The following KCNQ2 variants were observed in gnomAD, a reference collection of about 807,000 sequenced individuals.
KCNQ2 encodes potassium voltage-gated channel subfamily Q member 2, also known as potassium voltage-gated channel subfamily KQT member 2.
A neutral mutation model predicts 84.8 loss-of-function variants in KCNQ2; 14 were observed. That is an observed-to-expected ratio of 0.17 (90% CI 0.11 to 0.26). The LOEUF (loss-of-function observed/expected upper bound fraction) is 0.26. Ranked by LOEUF, KCNQ2 falls within the 10% of genes least tolerant of loss-of-function variation. The pLI is 1.00. For synonymous variants in KCNQ2, 599 were observed against 554.1 expected (o/e 1.08, Z -1.14); for missense variants, 788 against 1,254.0 (o/e 0.63, Z 5.61).
chr20:63,417,736 A>G (rs987546219), intron 12 of KCNQ2, among the ~76,000 whole-genome samples: 6 of 152,214 alleles, frequency 3.9e-5, no homozygotes, highest in Admixed American at 2.0e-4. Flanking sequence ...CACAGGCCCC[A>G]GGAGAGAAGA....
chr20:63,418,762 A>G (rs1019291930), intron 12 of KCNQ2, among the ~76,000 whole-genome samples: 39 of 152,230 alleles, frequency 2.6e-4, no homozygotes, highest in African/African-American at 9.2e-4. Context: ...CGCCCCCAGA[A>G]GCACACAAGC....
rs925541641 is a variant in KCNQ2 at position 63,449,686 on chromosome 20, C to G, written c.297-2849G>C. ...TCACCAAAGGCCGAGCTCCACAGCC[C>G]GGGAGAAGAGGGAAAAGCCCCAGCG... On this transcript the variant is annotated intron_variant, in intron 1 of 16. Coordinates refer to ENST00000359125, the MANE Select transcript of KCNQ2 (RefSeq NM_172107.4). Among the ~76,000 whole-genome samples the G allele has an allele frequency of 3.9e-5, 6 of 151,934 alleles. No homozygotes were observed. In the South Asian group the frequency reaches 6.4e-4, roughly 16 times the overall value.
intron 12 of KCNQ2, 133 bp downstream of exon 12, chr20:63,419,486 C>T: frequency 1.2e-6 from 1 of 865,626 alleles, no homozygotes; most frequent in South Asian, 1.5e-5. Context: ...TGAGCCCGCA[C>T]CGCCAGGGCG....
At chr20:63,463,254 C>T (rs190384318) in intron 1 of KCNQ2, among the ~76,000 whole-genome samples, 31 of 152,180 alleles carry the variant, frequency 2.0e-4, no homozygotes, top group Non-Finnish European at 3.2e-4. Flanking sequence ...GAGCGAGACC[C>T]CCACACTTAA....
intron 4 of KCNQ2, among the ~76,000 whole-genome samples, chr20:63,443,310 TCATCACCACCACCACCATCACCATCAC>T (rs2081297799): frequency 5.2e-5 from 1 of 19,352 alleles, no homozygotes; most frequent in African/African-American, 2.1e-4. Context: ...ACCATCACCA[TCATCACCACCACCACCATCACCATCAC>T]CACCATCACC....
At position 63,414,422 on chromosome 20, in the gene KCNQ2, C is replaced by T. The variant is rs576003567; in HGVS notation, c.1526-229G>A. Among the ~76,000 whole-genome samples, 43 of 152,204 alleles carry T rather than the reference C, an allele frequency of 2.8e-4. No homozygotes were observed. In the South Asian group the frequency reaches 8.5e-3, roughly 30 times the overall value. Reference sequence around the variant, plus strand: ...GCCACAGGGAGTGGCCGATATGGGGCGTCAAAGGACATTCTGGCCAATGGA... The same window carrying T: ...GCCACAGGGAGTGGCCGATATGGGGTGTCAAAGGACATTCTGGCCAATGGA... On this transcript the variant is annotated intron_variant, in intron 13 of 16. Coordinates refer to ENST00000359125, the MANE Select transcript of KCNQ2 (RefSeq NM_172107.4). This position sits in a 1 kb window ranked among gnomAD's most constrained non-coding sequence, Gnocchi z 6.6.
At position 63,425,745 on chromosome 20, in the gene KCNQ2, C is replaced by T. The variant is rs2145623411; in HGVS notation, c.1218-1539G>A. Among the ~76,000 whole-genome samples, 1 of 152,192 alleles carries T rather than the reference C, an allele frequency of 6.6e-6. No individual in the cohort carries two copies. Among genetic ancestry groups the T allele is most frequent in the Middle Eastern group, 3.4e-3 (1 of 294 alleles). On this transcript the variant is annotated intron_variant, in intron 10 of 16. Transcript: ENST00000359125. The surrounding 1 kb of genome is among the most constrained non-coding windows in gnomAD (Gnocchi z 5.5). ...AGAGAAAAAAAAAAGAAATCCCACC[C>T]ATTCAAAACGTCCCAAATCCCATCC...
chr20:63,452,655 G>A (rs1355379106), intron 1 of KCNQ2, among the ~76,000 whole-genome samples: 6 of 152,356 alleles, frequency 3.9e-5, no homozygotes, highest in South Asian at 2.1e-4. Flanking sequence ...CAGCAGGAAC[G>A]GGCTGATTCA....
At chr20:63,443,313 TCACCACCACCACC>T in intron 4 of KCNQ2, among the ~76,000 whole-genome samples, 1 of 28,400 alleles carries the variant, frequency 3.5e-5, no homozygotes, top group African/African-American at 1.6e-4. Flanking sequence ...ATCACCATCA[TCACCACCACCACC>T]ATCACCATCA....
At chr20:63,469,361 A>G (rs192955325) in intron 1 of KCNQ2, among the ~76,000 whole-genome samples, 2 of 152,310 alleles carry the variant, frequency 1.3e-5, no homozygotes, top group East Asian at 3.9e-4. Flanking sequence ...GCCTCTGGGA[A>G]AGCACCCAGG....
rs889133758 is a variant in KCNQ2 at position 63,403,744 on chromosome 20, T to G, written c.*2900A>C. 1 of 152,336 alleles carries G rather than the reference T, an allele frequency of 6.6e-6. No individual in the cohort carries two copies. The highest frequency in any genetic ancestry group is 6.5e-5 in the Admixed American group (1 of 15,294). 9.4% of individuals were successfully genotyped at this position (152,336 alleles called of 1,614,324 possible). A position where few individuals can be genotyped will look rare whatever the true frequency, so the allele number is the denominator to read the frequency against. ...GCAAGCGTGCATGTGTACGCCTGTA[T>G]GCGGACATGTATGTGAGCACGTGTG... On this transcript the variant is annotated 3_prime_UTR_variant, in exon 17 of 17. Transcript: ENST00000359125.
chr20:63,410,197 G>A (rs2080080219), intron 15 of KCNQ2, among the ~76,000 whole-genome samples: 1 of 152,148 alleles, frequency 6.6e-6, no homozygotes, highest in African/African-American at 2.4e-5. Context: ...TGGTGTTCGG[G>A]GCATCCACAC....
chr20:63,439,884 T>C (rs1284125894), intron 5 of KCNQ2, 176 bp from the exon 6 acceptor site: 1 of 665,646 alleles, frequency 1.5e-6, no homozygotes, highest in Non-Finnish European at 2.7e-6. Context: ...CCTCATCCCC[T>C]GAGCCCTCTC....
rs56010212 is a variant in KCNQ2, at chr20:63,429,271, C to CG, written c.1149-837_1149-836insC. Among the ~76,000 whole-genome samples, 15 of 151,664 alleles carry CG rather than the reference C, an allele frequency of 9.9e-5. No homozygotes were observed. The South Asian group carries it at 2.3e-3, about 23-fold the overall frequency. On this transcript the variant is annotated intron_variant, in intron 9 of 16. Transcript: ENST00000359125. ...AGACACCCTCCTCTGGGGCCTCCCC[C>CG]ACCCGGCTCCCTGACCCACCTGAAC...
At chr20:63,459,671 C>T (rs1323135135) in intron 1 of KCNQ2, among the ~76,000 whole-genome samples, 2 of 152,192 alleles carry the variant, frequency 1.3e-5, no homozygotes, top group Non-Finnish European at 2.9e-5. Flanking sequence ...CAGACCATCA[C>T]TAAATTCTCC....
chr20:63,463,363 G>C (rs940211752), intron 1 of KCNQ2, among the ~76,000 whole-genome samples: 2 of 152,078 alleles, frequency 1.3e-5, no homozygotes, highest in African/African-American at 4.8e-5. Context: ...CTGGGGTGGC[G>C]CTCCCCGATA....
chr20:63,441,635 G>C (rs2081165034), intron 5 of KCNQ2, among the ~76,000 whole-genome samples: 1 of 148,088 alleles, frequency 6.8e-6, no homozygotes, highest in South Asian at 2.2e-4. Flanking sequence ...ACCCTGTGGT[G>C]GGGCCTGAAC....
chr20:63,427,104 C>G (rs1466754297), intron 10 of KCNQ2, among the ~76,000 whole-genome samples: 1 of 152,196 alleles, frequency 6.6e-6, no homozygotes, highest in Non-Finnish European at 1.5e-5. Context: ...TGTCTGTAAT[C>G]CCAGCTACTC....
At position 63,468,061 on chromosome 20, in the gene KCNQ2, G is replaced by A. The variant is rs1435383079; in HGVS notation, c.296+4107C>T. 4.6e-5 allele frequency among the ~76,000 whole-genome samples: 7 copies of A among 152,322 alleles called. No individual in the cohort carries two copies. In the East Asian group the frequency reaches 1.2e-3, roughly 25 times the overall value. The stretch of plus-strand genomic sequence containing the variant: ...GTAACTAAGCAGCATCATGTACAAT[G>A]TCTTATCACTCCAGAGTAATTTCAC... On this transcript the variant is annotated intron_variant, in intron 1 of 16. Coordinates refer to ENST00000359125, the MANE Select transcript of KCNQ2 (RefSeq NM_172107.4).
Sources: gnomAD v4.1 joint callset for allele counts (sites outside exome capture counted in the v4.1 genomes callset) on GRCh38, gnomAD v4.1.1 for gene constraint, Gnocchi (gnomAD v3.1) non-coding constraint, MANE v1.5 for transcripts, NCBI Gene and HGNC (gene_info 2026-07-23, HGNC 2026-07-21) for gene names.